COL11A1: variants seen among roughly 807,000 people sequenced by gnomAD.
The protein encoded by COL11A1 is collagen type XI alpha 1 chain, also known as collagen alpha-1(XI) chain.
Under a neutral mutation model 265.2 loss-of-function variants are expected in COL11A1, and 74 were observed. The ratio of observed to expected loss-of-function variants is 0.28; its 90% CI spans 0.23 to 0.34. The LOEUF is 0.34. Among genes scored for constraint, COL11A1 ranks in the 10% least tolerant of loss-of-function variants. COL11A1 has a pLI of 1.00. For synonymous variants in COL11A1, 816 were observed against 727.6 expected, an observed-to-expected ratio of 1.12 and a Z score of -1.96; for missense variants, 2,165 against 2,263.6, an observed-to-expected ratio of 0.96 and a Z score of 0.88.
chr1:103,068,249 T>A (rs1671304296), intron 4 of COL11A1, among the ~76,000 whole-genome samples: 1 of 151,716 alleles, frequency 6.6e-6, no homozygotes, highest in South Asian at 2.1e-4. Flanking sequence ...ACTGCATGAC[T>A]ACAGTGGAAT....
At chr1:103,073,323 A>T (rs1671723661) in intron 4 of COL11A1, among the ~76,000 whole-genome samples, 3 of 151,878 alleles carry the variant, frequency 2.0e-5, no homozygotes, top group African/African-American at 7.2e-5. Context: ...ACAAAAATAA[A>T]TTATAATTTA....
intron 36 of COL11A1, among the ~76,000 whole-genome samples, chr1:102,971,869 A>AAAAAC (rs984961777): frequency 6.6e-6 from 1 of 152,184 alleles, no homozygotes; most frequent in Non-Finnish European, 1.5e-5. Flanking sequence ...CTCTTCTTCA[A>AAAAAC]AAAACAAAAC....
intron 1 of COL11A1, among the ~76,000 whole-genome samples, chr1:103,088,576 T>C (rs1393358990): frequency 6.6e-6 from 1 of 152,242 alleles, no homozygotes; most frequent in Non-Finnish European, 1.5e-5. Flanking sequence ...AAAGTTTTTA[T>C]TGGAACATAG....
intron 54 of COL11A1, among the ~76,000 whole-genome samples, chr1:102,908,920 CTAT>C (rs1654320403): frequency 6.6e-6 from 1 of 151,934 alleles, no homozygotes; most frequent in South Asian, 2.1e-4. Flanking sequence ...CATAATTTTT[CTAT>C]TTTCTAATTG....
At chr1:102,967,317 T>A (rs994778185) in intron 37 of COL11A1, among the ~76,000 whole-genome samples, 1 of 128,732 alleles carries the variant, frequency 7.8e-6, no homozygotes, top group Non-Finnish European at 1.6e-5. Context: ...CTCGGCTCAC[T>A]GCAAGCTCCG....
At position 102,888,905 on chromosome 1, in the gene COL11A1, A is replaced by G; in HGVS notation, c.4479T>C (p.Pro1493=). 1 of 1,612,344 alleles carries G rather than the reference A, an allele frequency of 6.2e-7. No individual in the cohort carries two copies. The highest frequency in any genetic ancestry group is 1.1e-5 in the South Asian group (1 of 91,066). Residue 1493 remains proline (P), a synonymous_variant, in exon 60 of 67, where the codon CCT becomes CCC. Coordinates refer to ENST00000370096, the MANE Select transcript of COL11A1 (RefSeq NM_001854.4). ...GACCAGGTGGACCTAAGGGACCAGC[A>G]GGACCAGGAATTCCCTAGAGAGAGA... is the stretch of plus-strand genomic sequence containing the variant. The part of the protein sequence containing the change: ...GAKGDGGIPG[P]AGPLGPPGPP...
chr1:103,042,321 T>C (rs1215947355), intron 4 of COL11A1, among the ~76,000 whole-genome samples: 1 of 152,172 alleles, frequency 6.6e-6, no homozygotes, highest in Non-Finnish European at 1.5e-5. Context: ...TATGAAGATA[T>C]AAGAAATTTG....
At chr1:102,941,857 G>A (rs957008352) in intron 42 of COL11A1, among the ~76,000 whole-genome samples, 1 of 152,154 alleles carries the variant, frequency 6.6e-6, no homozygotes, top group Non-Finnish European at 1.5e-5. Context: ...TAAACTATGT[G>A]AGGGTAGGAA....
chr1:102,959,917 T>C (rs1390473162), intron 41 of COL11A1, among the ~76,000 whole-genome samples: 2 of 152,146 alleles, frequency 1.3e-5, no homozygotes, highest in African/African-American at 4.8e-5. Flanking sequence ...TCAGTGTGCA[T>C]TTTTCTTAAA....
At chr1:103,070,857 TATA>T (rs1414996527) in intron 4 of COL11A1, among the ~76,000 whole-genome samples, 5 of 151,970 alleles carry the variant, frequency 3.3e-5, no homozygotes, top group Non-Finnish European at 2.9e-5. Context: ...TTTAAGTGTG[TATA>T]TTGGATAATA....
intron 42 of COL11A1, among the ~76,000 whole-genome samples, chr1:102,941,410 T>G (rs1557851080): frequency 6.6e-6 from 1 of 152,196 alleles, no homozygotes; most frequent in African/African-American, 2.4e-5. Context: ...ACCTACATTC[T>G]TAGGTCAATT....
At chr1:103,027,830 C>G (rs1667665823) in intron 5 of COL11A1, among the ~76,000 whole-genome samples, 1 of 152,084 alleles carries the variant, frequency 6.6e-6, no homozygotes. Flanking sequence ...ATATACAGAC[C>G]TGTACCAAAG....
At chr1:103,077,548 A>C (rs1264819122) in intron 3 of COL11A1, among the ~76,000 whole-genome samples, 3 of 152,094 alleles carry the variant, frequency 2.0e-5, no homozygotes, top group Non-Finnish European at 4.4e-5. Flanking sequence ...AAGTCTCAGT[A>C]AAACTGAGAC....
At position 103,108,162 on chromosome 1, in the gene COL11A1, G is replaced by A. The variant is rs528624430; in HGVS notation, c.17C>T (p.Ser6Phe). Reference sequence around the variant, plus strand: ...GAGCCACCGTTTCGTTTTCCACCTAGAGGACCACGGCTCCATCTCCGAGCC... The same window carrying A: ...GAGCCACCGTTTCGTTTTCCACCTAAAGGACCACGGCTCCATCTCCGAGCC... MEPWS[S>F]RWKTKRWLWD... The change falls in exon 1 of 67, where the codon TCT (serine) becomes TTT (phenylalanine). Residue 6 changes from serine to phenylalanine, a missense_variant. Physicochemically the swap from Ser to Phe is radical, Grantham distance 155 (BLOSUM62 -2). Transcript: ENST00000370096. 24 of 1,613,798 alleles carry A rather than the reference G, an allele frequency of 1.5e-5. No homozygotes were observed. In the South Asian group the frequency reaches 2.6e-4, roughly 18 times the overall value.
intron 36 of COL11A1, among the ~76,000 whole-genome samples, chr1:102,971,237 A>G (rs1661955790): frequency 6.6e-6 from 1 of 152,208 alleles, no homozygotes; most frequent in African/African-American, 2.4e-5. Context: ...CACTTTGTAT[A>G]AAGGATGCTG....
rs569026859 is a variant in COL11A1, at chr1:103,072,843, A to G, written c.651+1775T>C. Among the ~76,000 whole-genome samples the G allele has an allele frequency of 5.9e-5, 9 of 151,844 alleles. No homozygotes were observed. In the South Asian group the frequency reaches 1.9e-3, roughly 32 times the overall value. On this transcript the variant is annotated intron_variant, in intron 4 of 66. Transcript: ENST00000370096. ...GTTTGAGTATATGAATTAGATAAAT[A>G]CTAAATTTCATCCAATTCAAAGATT...
chr1:102,879,560 A>T (rs1649964676), intron 66 of COL11A1, 123 bp downstream of exon 66: 1 of 819,378 alleles, frequency 1.2e-6, no homozygotes, highest in Non-Finnish European at 2.0e-6. Context: ...GTCAAGATTA[A>T]GCAACAAATG....
intron 41 of COL11A1, among the ~76,000 whole-genome samples, chr1:102,950,103 A>G (rs1032949953): frequency 6.6e-6 from 1 of 152,032 alleles, no homozygotes; most frequent in Non-Finnish European, 1.5e-5. Flanking sequence ...CAAGACCTGG[A>G]TAACATGGTG....
chr1:102,977,576 G>T (rs1662621518), intron 35 of COL11A1, among the ~76,000 whole-genome samples: 1 of 151,950 alleles, frequency 6.6e-6, no homozygotes, highest in Non-Finnish European at 1.5e-5. Flanking sequence ...GAGAATCAGT[G>T]GTGCTCTAAA....
Sources: gnomAD v4.1 joint callset for allele counts (sites outside exome capture counted in the v4.1 genomes callset) on GRCh38, gnomAD v4.1.1 for gene constraint, MANE v1.5 for transcripts, NCBI Gene and HGNC (gene_info 2026-07-23, HGNC 2026-07-21) for gene names.